SYN3: variants seen among roughly 807,000 people sequenced by gnomAD.
The protein encoded by SYN3 is synapsin-3.
A neutral mutation model predicts 65.8 loss-of-function variants in SYN3; 35 were observed. The observed-to-expected ratio is 0.53, with a 90% confidence interval of 0.41 to 0.70. The LOEUF is 0.70. Among genes scored for constraint, SYN3 ranks in the 30% least tolerant of loss-of-function variants. The pLI is 0.00. For missense variants in SYN3, 680 were observed against 749.0 expected, an observed-to-expected ratio of 0.91 and a Z score of 1.08; for synonymous variants, 270 against 292.9, an observed-to-expected ratio of 0.92 and a Z score of 0.80.
intron 12 of SYN3, among the ~76,000 whole-genome samples, chr22:32,523,348 T>A (rs1374009170): frequency 6.6e-6 from 1 of 152,042 alleles, no homozygotes; most frequent in Non-Finnish European, 1.5e-5. Flanking sequence ...CCTTCTCTAC[T>A]GAAAATACAA....
At chr22:32,847,695 G>A (rs1406559636) in intron 6 of SYN3, among the ~76,000 whole-genome samples, 1 of 152,230 alleles carries the variant, frequency 6.6e-6, no homozygotes, top group Non-Finnish European at 1.5e-5. Flanking sequence ...AAATGTGTGT[G>A]TGTGTGTTTG....
intron 6 of SYN3, among the ~76,000 whole-genome samples, chr22:32,703,933 G>A (rs2060845051): frequency 1.3e-5 from 2 of 152,010 alleles, no homozygotes; most frequent in Admixed American, 1.3e-4. Flanking sequence ...AATGTAAAAA[G>A]CATACAACTT....
chr22:32,735,139 C>T (rs994564728), intron 6 of SYN3, among the ~76,000 whole-genome samples: 7 of 152,160 alleles, frequency 4.6e-5, no homozygotes, highest in Non-Finnish European at 1.0e-4. Flanking sequence ...TTTCTGGTCC[C>T]TGGCTCTGTG....
At chr22:32,712,006 G>A (rs963911966) in intron 6 of SYN3, among the ~76,000 whole-genome samples, 8 of 152,160 alleles carry the variant, frequency 5.3e-5, no homozygotes, top group Non-Finnish European at 1.5e-5. Context: ...CCTGAGGGTG[G>A]TCCTATGGGC....
intron 8 of SYN3, among the ~76,000 whole-genome samples, chr22:32,539,230 T>C (rs1332005673): frequency 6.6e-6 from 1 of 152,174 alleles, no homozygotes; most frequent in Non-Finnish European, 1.5e-5. Flanking sequence ...CATAAGGCAC[T>C]GCACCGTAGT....
chr22:32,678,532 TTCC>T (rs71187209), intron 6 of SYN3, among the ~76,000 whole-genome samples: 26 of 151,534 alleles, frequency 1.7e-4, no homozygotes, highest in Admixed American at 6.6e-4. Flanking sequence ...TTGAAAGACC[TTCC>T]TCCTCCTCCT....
chr22:32,833,219 T>C (rs756819461), intron 6 of SYN3, among the ~76,000 whole-genome samples: 4 of 152,130 alleles, frequency 2.6e-5, no homozygotes, highest in Non-Finnish European at 4.4e-5. Context: ...AAGAGAGTCA[T>C]TGGCCCCCAG....
intron 1 of SYN3, among the ~76,000 whole-genome samples, chr22:33,054,897 C>T (rs1426965144): frequency 1.3e-5 from 2 of 152,222 alleles, no homozygotes; most frequent in East Asian, 3.8e-4. Flanking sequence ...CCACCCTTTT[C>T]CCATATTCCC....
At chr22:32,772,857 A>G (rs2045810029) in intron 6 of SYN3, among the ~76,000 whole-genome samples, 1 of 152,220 alleles carries the variant, frequency 6.6e-6, no homozygotes, top group African/African-American at 2.4e-5. Flanking sequence ...TCAGCCCAGT[A>G]GAACTGACTT....
At chr22:32,951,698 G>C (rs1326517727) in intron 3 of SYN3, among the ~76,000 whole-genome samples, 1 of 152,222 alleles carries the variant, frequency 6.6e-6, no homozygotes, top group Non-Finnish European at 1.5e-5. Context: ...AGGCCAACAT[G>C]CTTCACAAGT....
intron 7 of SYN3, among the ~76,000 whole-genome samples, chr22:32,556,917 C>T (rs1052187595): frequency 6.9e-5 from 10 of 144,968 alleles, no homozygotes; most frequent in Non-Finnish European, 1.3e-4. Flanking sequence ...CCTTGACCTC[C>T]TAAAGTATTG....
At position 32,628,010 on chromosome 22, in the gene SYN3, A is replaced by T. The variant is rs566344178; in HGVS notation, c.712-31274T>A. ...CGCCCAGCTAATTTTTTGTATTTTT[A>T]GTAGAGACGGGGTTTCACCGTGTTA... On this transcript the variant is annotated intron_variant, in intron 6 of 13. Coordinates refer to ENST00000358763, the MANE Select transcript of SYN3 (RefSeq NM_003490.4). Among the ~76,000 whole-genome samples, 38 of 152,180 alleles carry T rather than the reference A, an allele frequency of 2.5e-4. No individual in the cohort carries two copies. In the South Asian group the frequency reaches 3.9e-3, roughly 16 times the overall value.
chr22:32,735,535 G>A (rs1341871557), intron 6 of SYN3, among the ~76,000 whole-genome samples: 7 of 152,054 alleles, frequency 4.6e-5, no homozygotes, highest in Admixed American at 4.6e-4. Flanking sequence ...TTGTTTGTTT[G>A]TTTGTTTGTT....
intron 3 of SYN3, among the ~76,000 whole-genome samples, chr22:32,967,832 C>T (rs1380051431): frequency 6.6e-6 from 1 of 152,236 alleles, no homozygotes; most frequent in Non-Finnish European, 1.5e-5. Context: ...CTCCTCTCAT[C>T]AGGGAGTGGG....
At chr22:32,946,728 A>G (rs1479441187) in intron 3 of SYN3, among the ~76,000 whole-genome samples, 1 of 152,230 alleles carries the variant, frequency 6.6e-6, no homozygotes, top group African/African-American at 2.4e-5. Context: ...ACAGAAAAAA[A>G]GACCCCATGC....
intron 6 of SYN3, among the ~76,000 whole-genome samples, chr22:32,675,066 T>G (rs759175809): frequency 1.4e-4 from 21 of 152,160 alleles, no homozygotes; most frequent in Non-Finnish European, 2.6e-4. Flanking sequence ...TTCCCTCTAG[T>G]CTGAGCTCTT....
At chr22:32,577,744 T>A (rs2058873303) in intron 7 of SYN3, among the ~76,000 whole-genome samples, 1 of 152,238 alleles carries the variant, frequency 6.6e-6, no homozygotes, top group Non-Finnish European at 1.5e-5. Flanking sequence ...GCCTCCTCCC[T>A]GTTCCTTGAC....
intron 6 of SYN3, among the ~76,000 whole-genome samples, chr22:32,632,424 C>T (rs2059759525): frequency 1.2e-5 from 1 of 83,182 alleles, no homozygotes; most frequent in Non-Finnish European, 2.3e-5. Flanking sequence ...GTGGCTGATC[C>T]ACAAACAAGA....
chr22:32,679,839 C>CTTTTTTTTTTTTTTTTT lies in SYN3; in HGVS notation c.712-83120_712-83104dup, dbSNP rs747116076. 3.2e-3 allele frequency among the ~76,000 whole-genome samples: 124 copies of CTTTTTTTTTTTTTTTTT among 39,130 alleles called. 20 individuals carry two copies. The highest frequency in any genetic ancestry group is 4.5e-3 in the African/African-American group (49 of 10,984). The allele number at this position is 39,130 out of a possible 152,430, so 25.7% of individuals were successfully genotyped here. On this transcript the variant is annotated intron_variant, in intron 6 of 13. Coordinates refer to ENST00000358763, the MANE Select transcript of SYN3 (RefSeq NM_003490.4). ...AAACTGGGTGAGGTTTGTTTTTTGGCTTTTTTTTTTTTTTTTTTTGCTATT... is the reference window on the plus strand; with the variant it reads ...AAACTGGGTGAGGTTTGTTTTTTGGCTTTTTTTTTTTTTTTTTTTTTTTTTTTTTTTTTTTTGCTATT...
Sources: gnomAD v4.1 joint callset for allele counts (sites outside exome capture counted in the v4.1 genomes callset) on GRCh38, gnomAD v4.1.1 for gene constraint, MANE v1.5 for transcripts, NCBI Gene and HGNC (gene_info 2026-07-23, HGNC 2026-07-21) for gene names.